Variants in PC observed in about 807,000 individuals in gnomAD.
The protein encoded by PC is pyruvate carboxylase, mitochondrial.
A neutral mutation model predicts 107.8 loss-of-function variants in PC; 46 were observed. That is an observed-to-expected ratio of 0.43 (90% confidence interval 0.34 to 0.55). The LOEUF is 0.55. PC is among the 20% of genes least tolerant of loss of function. The pLI is 0.04. For missense variants in PC, 1,241 were observed against 1,643.1 expected, an observed-to-expected ratio of 0.76 and a Z score of 4.23; for synonymous variants, 662 against 684.7, an observed-to-expected ratio of 0.97 and a Z score of 0.52.
chr11:66,950,833 T>C (rs1478378349), intron 3 of PC, among the ~76,000 whole-genome samples: 1 of 152,054 alleles, frequency 6.6e-6, no homozygotes, highest in Non-Finnish European at 1.5e-5. Flanking sequence ...AGACAAGTGG[T>C]TTGGGGGGAA....
At chr11:66,876,932 G>T (rs1947002685) in intron 3 of PC, among the ~76,000 whole-genome samples, 1 of 152,182 alleles carries the variant, frequency 6.6e-6, no homozygotes, top group East Asian at 1.9e-4. Context: ...GAAAGCAAGA[G>T]ATTCAAAATA....
intron 12 of PC, chr11:66,859,632 T>A (rs779550031): frequency 1.2e-6 from 2 of 1,612,682 alleles, no homozygotes; most frequent in Non-Finnish European, 1.7e-6. Context: ...TGCCCTTGCC[T>A]GCAGGATTGT....
rs185226297 is a variant in PC, at chr11:66,874,866, A to G, written c.1-2707T>C. 3.5e-3 allele frequency among the ~76,000 whole-genome samples: 533 copies of G among 152,320 alleles called. 4 individuals are homozygous for G. The highest frequency in any genetic ancestry group is 0.012 in the African/African-American group (502 of 41,564). On this transcript the variant is annotated intron_variant, in intron 3 of 22. Transcript: ENST00000393960. ...GGGTGCAGGGGTTTGGGGGCTGGAT[A>G]TTAGAAAAGGCCTCTCTGAGGAGGG...
At chr11:66,860,410 C>T (rs1372558442) in intron 12 of PC, 1 of 727,636 alleles carries the variant, frequency 1.4e-6, no homozygotes, top group Admixed American at 2.0e-5. Flanking sequence ...GCCACCGAGG[C>T]AGGGGCTGCA....
At chr11:66,891,033 G>A (rs956681728) in intron 3 of PC, among the ~76,000 whole-genome samples, 2 of 151,984 alleles carry the variant, frequency 1.3e-5, no homozygotes, top group African/African-American at 4.8e-5. Context: ...GAATTGCTGC[G>A]TCAGACAATA....
intron 3 of PC, among the ~76,000 whole-genome samples, chr11:66,916,487 A>T (rs1047819015): frequency 2.6e-5 from 4 of 152,134 alleles, no homozygotes; most frequent in Non-Finnish European, 5.9e-5. Flanking sequence ...TACTCACCTC[A>T]ATTTCTGGGG....
At position 66,848,826 on chromosome 11, in the gene PC, G is replaced by T; in HGVS notation, c.*73C>A. On this transcript the variant is annotated 3_prime_UTR_variant, in exon 23 of 23. Transcript: ENST00000393960. The stretch of plus-strand genomic sequence containing the variant: ...CCTTCCTGGCCTCGGGCACTGGCTG[G>T]CCTGGGCCTGCCGTGGCAGCACAGC... 6.2e-7 allele frequency: 1 copy of T among 1,603,224 alleles called. No homozygotes were observed. The highest frequency in any genetic ancestry group is 8.5e-7 in the Non-Finnish European group (1 of 1,173,530).
At chr11:66,911,698 T>C (rs1948337744) in intron 3 of PC, among the ~76,000 whole-genome samples, 1 of 152,070 alleles carries the variant, frequency 6.6e-6, no homozygotes, top group Non-Finnish European at 1.5e-5. Flanking sequence ...AAGACAAGCA[T>C]TGAAAAGAAT....
intron 3 of PC, among the ~76,000 whole-genome samples, chr11:66,875,808 C>T (rs951882794): frequency 6.6e-6 from 1 of 152,096 alleles, no homozygotes; most frequent in Non-Finnish European, 1.5e-5. Flanking sequence ...TAAAATATAC[C>T]TTGTCCTTAT....
rs758084352 is a variant in PC, at chr11:66,858,743, C to T, written c.1368+5031G>A. 22 of 1,553,796 alleles carry T rather than the reference C, an allele frequency of 1.4e-5. No individual in the cohort carries two copies. The highest frequency in any genetic ancestry group is 1.8e-5 in the Non-Finnish European group (21 of 1,148,586). On this transcript the variant is annotated intron_variant, in intron 12 of 22. Transcript: ENST00000393960. This position sits in a 1 kb window ranked among gnomAD's most constrained non-coding sequence, Gnocchi z 5.9. ...CCTCCCGAGCCCGGGCTTTCCCCAA[C>T]GGGACCTTAGAGATTGGGGTGACCG...
intron 3 of PC, among the ~76,000 whole-genome samples, chr11:66,924,974 G>T (rs1948679096): frequency 6.6e-6 from 1 of 152,142 alleles, no homozygotes; most frequent in Non-Finnish European, 1.5e-5. Context: ...TCACATGTTG[G>T]CAGGTTCCGT....
At chr11:66,910,299 G>C (rs756389026) in intron 3 of PC, among the ~76,000 whole-genome samples, 1 of 152,072 alleles carries the variant, frequency 6.6e-6, no homozygotes, top group Non-Finnish European at 1.5e-5. Context: ...CATCTGTCTC[G>C]TCCTTGTCTT....
At chr11:66,936,964 C>T (rs1315547406) in intron 3 of PC, among the ~76,000 whole-genome samples, 2 of 152,054 alleles carry the variant, frequency 1.3e-5, no homozygotes, top group Non-Finnish European at 2.9e-5. Context: ...TGCCTCAGCC[C>T]CCTAAGTAGC....
In PC at chr11:66,849,512, C is replaced by T. The variant is rs1347606293; in HGVS notation, c.3147+99G>A. 52 of 1,608,494 alleles carry T rather than the reference C, an allele frequency of 3.2e-5. No individual in the cohort carries two copies. In the South Asian group the frequency reaches 3.3e-4, roughly 10 times the overall value. On this transcript the variant is annotated intron_variant, in intron 21 of 22. Coordinates refer to ENST00000393960, the MANE Select transcript of PC (RefSeq NM_001040716.2). Reference sequence around the variant, plus strand: ...CTCCCGGTCTCAAGGGTCCTTTCTGCTCCCAAAGCTTGCGAGGCTGGGTGA... The same window carrying T: ...CTCCCGGTCTCAAGGGTCCTTTCTGTTCCCAAAGCTTGCGAGGCTGGGTGA...
Position 66,857,530 on chromosome 11 carries a change from A to C in PC, c.1369-4147T>G. ...GTCCCCAGCGCCTGGACTCCCCCTT[A>C]ACTGCTTGGGAAATGTGACCTTTGC... On this transcript the variant is annotated intron_variant, in intron 12 of 22. Transcript: ENST00000393960. The surrounding 1 kb of genome is among the most constrained non-coding windows in gnomAD (Gnocchi z 7.1). The C allele has an allele frequency of 1.8e-6, 1 of 562,116 alleles. No individual in the cohort carries two copies. The highest frequency in any genetic ancestry group is 2.5e-5 in the South Asian group (1 of 40,146). The allele number at this position is 562,116 out of a possible 1,614,324, so 34.8% of individuals were successfully genotyped here.
intron 3 of PC, among the ~76,000 whole-genome samples, chr11:66,920,746 T>C (rs1948574805): frequency 6.6e-6 from 1 of 152,128 alleles, no homozygotes; most frequent in African/African-American, 2.4e-5. Context: ...GTTCAGGACA[T>C]GGAAATACAG....
chr11:66,941,959 G>A (rs990395820), intron 3 of PC, among the ~76,000 whole-genome samples: 5 of 151,810 alleles, frequency 3.3e-5, no homozygotes, highest in Non-Finnish European at 1.5e-5. Flanking sequence ...AAAATTAGCC[G>A]GGTGTGGTGG....
chr11:66,864,740 CAG>C (rs1417861362), intron 11 of PC, among the ~76,000 whole-genome samples: 1 of 152,192 alleles, frequency 6.6e-6, no homozygotes, highest in African/African-American at 2.4e-5. Context: ...GAGGAGGAGA[CAG>C]AGGCGCCGAC....
rs369358565 is a variant in PC, at chr11:66,871,006, G to A, written c.633+46C>T. The stretch of plus-strand genomic sequence containing the variant: ...TTGAGTGGTCCGCCCCTGCCCCCAC[G>A]GCAGGCTGCCCTGCCCTGCTCCCAG... On this transcript the variant is annotated intron_variant, in intron 7 of 22. Coordinates refer to ENST00000393960, the MANE Select transcript of PC (RefSeq NM_001040716.2). The surrounding 1 kb of genome is among the most constrained non-coding windows in gnomAD (Gnocchi z 7.4). The A allele has an allele frequency of 1.9e-5, 31 of 1,612,600 alleles. No individual in the cohort carries two copies. Among genetic ancestry groups the A allele is most frequent in the Middle Eastern group, 1.6e-4 (1 of 6,082 alleles).
Sources: allele counts gnomAD v4.1 joint callset (sites outside exome capture counted in the v4.1 genomes callset), GRCh38; gene constraint gnomAD v4.1.1; non-coding constraint Gnocchi (gnomAD v3.1); transcripts MANE v1.5; gene names NCBI Gene and HGNC (gene_info 2026-07-23, HGNC 2026-07-21).